PDE2A: variants seen among roughly 807,000 people sequenced by gnomAD.
PDE2A encodes cGMP-dependent 3',5'-cyclic phosphodiesterase.
Under a neutral mutation model 133.6 loss-of-function variants are expected in PDE2A, and 53 were observed. The observed-to-expected ratio is 0.40, with a 90% CI of 0.32 to 0.50. PDE2A has a LOEUF of 0.50. Among genes scored for constraint, PDE2A ranks in the 20% least tolerant of loss-of-function variants. The probability of loss-of-function intolerance (pLI) is 0.73; values close to 1 mark genes in which losing one functional copy is unlikely to be tolerated. For missense variants in PDE2A, 796 were observed against 1,232.4 expected (o/e 0.65, Z 5.30); for synonymous variants, 491 against 490.2 (o/e 1.00, Z -0.02).
intron 4 of PDE2A, among the ~76,000 whole-genome samples, chr11:72,599,712 A>T (rs897203030): frequency 5.3e-5 from 8 of 152,220 alleles, no homozygotes; most frequent in Non-Finnish European, 8.8e-5. Context: ...CTCGGGGAGC[A>T]TTCTACTTAA....
At chr11:72,585,635 A>G in intron 14 of PDE2A, 42 bp from the exon 15 acceptor site, 3 of 1,594,982 alleles carry the variant, frequency 1.9e-6, no homozygotes, top group African/African-American at 2.7e-5. Context: ...GTCGGGGTGT[A>G]GGGGTCACCC....
At chr11:72,655,330 G>C (rs1854863173) in intron 1 of PDE2A, among the ~76,000 whole-genome samples, 1 of 15,242 alleles carries the variant, frequency 6.6e-5, no homozygotes, top group African/African-American at 4.1e-4. Flanking sequence ...CAGCCAGCCA[G>C]TGCCACAGCC....
At chr11:72,650,506 C>G (rs957300642) in intron 1 of PDE2A, among the ~76,000 whole-genome samples, 3 of 152,116 alleles carry the variant, frequency 2.0e-5, no homozygotes, top group Admixed American at 6.5e-5. Context: ...TTCAAAGACT[C>G]CCACTATATC....
chr11:72,619,815 C>T (rs1420080736), intron 2 of PDE2A, among the ~76,000 whole-genome samples: 2 of 152,044 alleles, frequency 1.3e-5, no homozygotes, highest in African/African-American at 4.8e-5. Flanking sequence ...ATCTGCCTGC[C>T]CTGCCACACA....
At chr11:72,632,226 T>A (rs1295602340) in intron 2 of PDE2A, among the ~76,000 whole-genome samples, 1 of 152,208 alleles carries the variant, frequency 6.6e-6, no homozygotes, top group African/African-American at 2.4e-5. Flanking sequence ...TCTCTGGCTC[T>A]CCTTGGGTTG....
In PDE2A at chr11:72,590,400, C is replaced by G. The variant is rs1856187989; in HGVS notation, c.703+27G>C. On this transcript the variant is annotated intron_variant, in intron 8 of 30. Transcript: ENST00000334456. The surrounding 1 kb of genome is among the most constrained non-coding windows in gnomAD (Gnocchi z 4.8). ...TCCAAGTTCTGCCCGGCCCCGCCCT[C>G]GTGACCTGTCCAGGCCGGGCCCTCA... 6.3e-7 allele frequency: 1 copy of G among 1,587,560 alleles called. No homozygotes were observed. Among genetic ancestry groups the G allele is most frequent in the Non-Finnish European group, 8.6e-7 (1 of 1,168,010 alleles).
chr11:72,627,456 A>C (rs1232909707), intron 2 of PDE2A, among the ~76,000 whole-genome samples: 1 of 152,096 alleles, frequency 6.6e-6, no homozygotes, highest in East Asian at 1.9e-4. Context: ...TTGAAAAGAG[A>C]GTAGGTGGAG....
In PDE2A at chr11:72,597,394, A is replaced by G; in HGVS notation, c.433+116T>C. On this transcript the variant is annotated intron_variant, in intron 5 of 30. Transcript: ENST00000334456. The surrounding 1 kb of genome is among the most constrained non-coding windows in gnomAD (Gnocchi z 4.6). Reference sequence around the variant, plus strand: ...GGAGGGACTGCTAGAGACACAGAGCAAGAGAAAGAAGGAGACAGAGATGAA... The same window carrying G: ...GGAGGGACTGCTAGAGACACAGAGCGAGAGAAAGAAGGAGACAGAGATGAA... 1.6e-6 allele frequency: 1 copy of G among 632,498 alleles called. No individual in the cohort carries two copies. Among genetic ancestry groups the G allele is most frequent in the South Asian group, 1.8e-5 (1 of 54,712 alleles). 39.2% of individuals were successfully genotyped at this position (632,498 alleles called of 1,614,324 possible).
At chr11:72,620,920 C>T (rs1182783597) in intron 2 of PDE2A, among the ~76,000 whole-genome samples, 1 of 151,940 alleles carries the variant, frequency 6.6e-6, no homozygotes, top group Non-Finnish European at 1.5e-5. Flanking sequence ...TCACTCAGCG[C>T]ACCTTCACTG....
At chr11:72,653,006 A>C (rs1854787399) in intron 1 of PDE2A, among the ~76,000 whole-genome samples, 1 of 152,252 alleles carries the variant, frequency 6.6e-6, no homozygotes, top group Admixed American at 6.5e-5. Flanking sequence ...CTCAATCGGC[A>C]AAGGCTCCTG....
intron 18 of PDE2A, 54 bp from the exon 19 acceptor site, chr11:72,584,367 G>C: frequency 7.5e-7 from 1 of 1,339,630 alleles, no homozygotes; most frequent in East Asian, 2.3e-5. Flanking sequence ...ATCGGTTGGA[G>C]GGAGGGATCC....
At chr11:72,658,012 TCTC>T (rs1486968813) in intron 1 of PDE2A, 2 of 456,184 alleles carry the variant, frequency 4.4e-6, no homozygotes, top group Admixed American at 4.7e-5. Flanking sequence ...TGTTGTGCCT[TCTC>T]CTGGCAGGCA....
At chr11:72,657,165 T>C (rs1240431583) in intron 1 of PDE2A, among the ~76,000 whole-genome samples, 2 of 151,948 alleles carry the variant, frequency 1.3e-5, no homozygotes, top group African/African-American at 4.8e-5. Flanking sequence ...CACCAAGCCA[T>C]CAGTGGTCCC....
Position 72,674,287 on chromosome 11 carries a change from C to G in PDE2A, c.-80G>C, listed in dbSNP as rs1225212242. 2 of 1,420,826 alleles carry G rather than the reference C, an allele frequency of 1.4e-6. No individual in the cohort carries two copies. The highest frequency in any genetic ancestry group is 2.8e-5 in the African/African-American group (2 of 71,042). The allele number at this position is 1,420,826 out of a possible 1,614,324, so 88.0% of individuals were successfully genotyped here. A position where few individuals can be genotyped will look rare whatever the true frequency, so the allele number is the denominator to read the frequency against. ...CCGCTGCCTGGAGTTCAGGGCAGGG[C>G]ACCCCCAGCAGGCACAGGGACCAAG... On this transcript the variant is annotated 5_prime_UTR_variant, in exon 1 of 31. Transcript: ENST00000334456.
chr11:72,589,080 C>T, intron 12 of PDE2A, 95 bp downstream of exon 12: 1 of 1,281,092 alleles, frequency 7.8e-7, no homozygotes, highest in Non-Finnish European at 1.1e-6. Context: ...CTTATCTGCC[C>T]CATTCCTAGG....
At chr11:72,632,204 C>T (rs958437295) in intron 2 of PDE2A, among the ~76,000 whole-genome samples, 4 of 152,278 alleles carry the variant, frequency 2.6e-5, no homozygotes, top group African/African-American at 4.8e-5. Context: ...TACCTGCCCA[C>T]GACTACTGGA....
At chr11:72,580,141 T>G (rs554038574) in intron 25 of PDE2A, among the ~76,000 whole-genome samples, 1 of 152,116 alleles carries the variant, frequency 6.6e-6, no homozygotes, top group East Asian at 1.9e-4. Flanking sequence ...GGAGGGGTGT[T>G]GTGGGAAGTA....
chr11:72,673,988 A>G (rs750533616), intron 1 of PDE2A, 149 bp downstream of exon 1: 1 of 739,242 alleles, frequency 1.4e-6, no homozygotes, highest in Middle Eastern at 2.4e-4. Context: ...CAGTCTGGCA[A>G]CGCGGGGAGG....
At chr11:72,588,940 A>C in intron 12 of PDE2A, 26 bp from the exon 13 acceptor site, 1 of 1,587,866 alleles carries the variant, frequency 6.3e-7, no homozygotes, top group African/African-American at 1.3e-5. Context: ...AAGTCAGGGC[A>C]GGGAAGCAGG....
Sources: gnomAD v4.1 joint callset for allele counts (sites outside exome capture counted in the v4.1 genomes callset) on GRCh38, gnomAD v4.1.1 for gene constraint, Gnocchi (gnomAD v3.1) non-coding constraint, MANE v1.5 for transcripts, NCBI Gene and HGNC (gene_info 2026-07-23, HGNC 2026-07-21) for gene names.